Variants in ADAM23 observed in about 807,000 individuals in gnomAD.
ADAM23 encodes the protein disintegrin and metalloproteinase domain-containing protein 23.
In ADAM23, 33 loss-of-function variants were observed where a neutral mutation model predicts 120.1. The observed-to-expected ratio is 0.27, with a 90% CI of 0.21 to 0.37. The LOEUF is 0.37. Ranked by LOEUF, ADAM23 falls within the 10% of genes least tolerant of loss-of-function variation. ADAM23 has a pLI of 1.00. For synonymous variants in ADAM23, 367 were observed against 375.2 expected, an observed-to-expected ratio of 0.98 and a Z score of 0.25; for missense variants, 862 against 1,058.2, an observed-to-expected ratio of 0.81 and a Z score of 2.57.
chr2:206,604,580 A>G lies in ADAM23; in HGVS notation c.2360-5330A>G, dbSNP rs116128257. Among the ~76,000 whole-genome samples, 1,140 of 152,084 alleles carry G rather than the reference A, an allele frequency of 7.5e-3. 20 individuals are homozygous for G. Among genetic ancestry groups the G allele is most frequent in the African/African-American group, 0.026 (1,084 of 41,470 alleles). On this transcript the variant is annotated intron_variant, in intron 24 of 25. Transcript: ENST00000264377. ...CTTTTTGTTTGTTTGTTTTTTAAGA[A>G]ACCAGGTTGTGCTTAGTCAATGATA...
At chr2:206,540,905 AT>A (rs1415051990) in intron 4 of ADAM23, among the ~76,000 whole-genome samples, 5 of 148,424 alleles carry the variant, frequency 3.4e-5, no homozygotes, top group African/African-American at 9.8e-5. Context: ...TATTTTATAA[AT>A]AATAAAAATT....
At chr2:206,575,119 A>G (rs1244494180) in intron 18 of ADAM23, among the ~76,000 whole-genome samples, 1 of 152,150 alleles carries the variant, frequency 6.6e-6, no homozygotes, top group Non-Finnish European at 1.5e-5. Context: ...AGGACATGGC[A>G]TGGAAGCAGA....
chr2:206,553,242 C>A (rs1340265215), intron 9 of ADAM23, among the ~76,000 whole-genome samples: 1 of 152,016 alleles, frequency 6.6e-6, no homozygotes, highest in Non-Finnish European at 1.5e-5. Context: ...TATACACACA[C>A]ACACATATAC....
chr2:206,534,439 A>G (rs1300769703), intron 4 of ADAM23, among the ~76,000 whole-genome samples: 3 of 152,068 alleles, frequency 2.0e-5, no homozygotes, highest in African/African-American at 7.2e-5. Flanking sequence ...AATGGTCACC[A>G]CACTCAAGCT....
chr2:206,583,967 G>C (rs544385204), intron 18 of ADAM23, among the ~76,000 whole-genome samples: 1 of 152,016 alleles, frequency 6.6e-6, no homozygotes, highest in Non-Finnish European at 1.5e-5. Flanking sequence ...GGTTTTTTTG[G>C]TTCCTTCTCA....
intron 7 of ADAM23, 80 bp downstream of exon 7, chr2:206,547,581 T>A: frequency 8.2e-7 from 1 of 1,223,882 alleles, no homozygotes; most frequent in Non-Finnish European, 1.2e-6. Context: ...ATATGCAGGC[T>A]TGTTGGAAGT....
chr2:206,588,603 A>C (rs1252831472), intron 20 of ADAM23, among the ~76,000 whole-genome samples: 1 of 152,206 alleles, frequency 6.6e-6, no homozygotes, highest in African/African-American at 2.4e-5. Context: ...AAGTGAAGAG[A>C]TGCATGTACT....
chr2:206,491,203 G>C (rs1050111015), intron 3 of ADAM23, among the ~76,000 whole-genome samples: 1 of 151,898 alleles, frequency 6.6e-6, no homozygotes, highest in African/African-American at 2.4e-5. Context: ...TGAGTGACTG[G>C]GACCCAGGGA....
intron 3 of ADAM23, among the ~76,000 whole-genome samples, chr2:206,518,412 A>G (rs1286970762): frequency 6.6e-6 from 1 of 152,152 alleles, no homozygotes; most frequent in East Asian, 1.9e-4. Context: ...AGTGACATCA[A>G]TTGTCATCAA....
intron 15 of ADAM23, among the ~76,000 whole-genome samples, chr2:206,569,778 G>T (rs980285731): frequency 1.3e-5 from 2 of 152,146 alleles, no homozygotes; most frequent in Non-Finnish European, 2.9e-5. Context: ...GGAAACCTTT[G>T]CTTTTCGTAA....
chr2:206,565,003 T>C lies in ADAM23; in HGVS notation c.1346-17T>C. 1 of 1,613,254 alleles carries C rather than the reference T, an allele frequency of 6.2e-7. No individual in the cohort carries two copies. The highest frequency in any genetic ancestry group is 8.5e-7 in the Non-Finnish European group (1 of 1,179,622). ...TTTCCTTTTTCTTCTGTTGCTTTTA[T>C]TGTTTTATTGGACCAGAATGTGACT... On this transcript the variant is annotated splice_polypyrimidine_tract_variant and intron_variant, in intron 13 of 25. Transcript: ENST00000264377.
chr2:206,544,146 C>CT (rs1225111364), intron 6 of ADAM23, among the ~76,000 whole-genome samples: 16 of 152,288 alleles, frequency 1.1e-4, no homozygotes, highest in African/African-American at 3.6e-4. Flanking sequence ...AGCTTTCATT[C>CT]TTACTGTCAT....
intron 10 of ADAM23, among the ~76,000 whole-genome samples, chr2:206,557,732 A>G (rs542062181): frequency 2.0e-5 from 3 of 152,340 alleles, no homozygotes; most frequent in South Asian, 2.1e-4. Flanking sequence ...AGTTGCGTCT[A>G]TACATTATTG....
intron 18 of ADAM23, among the ~76,000 whole-genome samples, chr2:206,584,045 G>A (rs1004768371): frequency 8.5e-5 from 13 of 152,072 alleles, no homozygotes; most frequent in African/African-American, 3.1e-4. Flanking sequence ...TTTGTCCCAC[G>A]GGTGTTCCCT....
At chr2:206,564,536 C>T (rs1697839701) in intron 13 of ADAM23, among the ~76,000 whole-genome samples, 1 of 152,212 alleles carries the variant, frequency 6.6e-6, no homozygotes, top group Non-Finnish European at 1.5e-5. Flanking sequence ...ATTCACAGCA[C>T]ATAGGTACAC....
At chr2:206,496,768 G>T (rs1696258883) in intron 3 of ADAM23, among the ~76,000 whole-genome samples, 1 of 151,992 alleles carries the variant, frequency 6.6e-6, no homozygotes, top group African/African-American at 2.4e-5. Context: ...GACTAATAAA[G>T]AAGAAAAGAG....
chr2:206,581,191 TTTG>T (rs911725088), intron 18 of ADAM23, among the ~76,000 whole-genome samples: 8 of 152,174 alleles, frequency 5.3e-5, no homozygotes, highest in African/African-American at 1.4e-4. Context: ...TCTTATGTAT[TTTG>T]TTGTTGTTGT....
At chr2:206,469,143 G>C (rs1695603708) in intron 2 of ADAM23, among the ~76,000 whole-genome samples, 2 of 152,122 alleles carry the variant, frequency 1.3e-5, no homozygotes, top group African/African-American at 4.8e-5. Context: ...TGGGGTACAG[G>C]TCCAAACCAT....
rs117045798 is a variant in ADAM23, at chr2:206,507,154, A to G, written c.510-23731A>G. On this transcript the variant is annotated intron_variant, in intron 3 of 25. Coordinates refer to ENST00000264377, the MANE Select transcript of ADAM23 (RefSeq NM_003812.4). ...GTATATTTAAAATTTGACCATTGAT[A>G]AAACTATGACATCCCATATGATAAG... Among the ~76,000 whole-genome samples, 37 of 152,288 alleles carry G rather than the reference A, an allele frequency of 2.4e-4. No individual in the cohort carries two copies. The East Asian group carries it at 6.0e-3, about 25-fold the overall frequency.
Sources: gnomAD v4.1 joint callset for allele counts (sites outside exome capture counted in the v4.1 genomes callset) on GRCh38, gnomAD v4.1.1 for gene constraint, MANE v1.5 for transcripts, NCBI Gene and HGNC (gene_info 2026-07-23, HGNC 2026-07-21) for gene names.